The following SCRN3 variants were observed in gnomAD, a reference collection of about 807,000 sequenced individuals.
SCRN3 encodes secernin-3.
Under a neutral mutation model 43.1 loss-of-function variants are expected in SCRN3, and 39 were observed. The ratio of observed to expected loss-of-function variants is 0.91; its 90% CI spans 0.70 to 1.18. The LOEUF (loss-of-function observed/expected upper bound fraction) is 1.18, where lower values mean the gene tolerates loss of function less well. Among genes scored for constraint, SCRN3 ranks in the 50% most tolerant of loss-of-function variants. The probability of loss-of-function intolerance (pLI) is 0.00; values close to 1 mark genes in which losing one functional copy is unlikely to be tolerated. For synonymous variants in SCRN3, 147 were observed against 163.1 expected, an observed-to-expected ratio of 0.90 and a Z score of 0.75; for missense variants, 484 against 498.0, an observed-to-expected ratio of 0.97 and a Z score of 0.27.
intron 1 of SCRN3, chr2:174,397,206 AG>A: frequency 1.0e-6 from 1 of 972,358 alleles, no homozygotes; most frequent in Non-Finnish European, 1.2e-6. Context: ...TTTCTTTTTA[AG>A]GAAACATTTA....
chr2:174,414,866 C>A (rs1049924651), intron 5 of SCRN3, among the ~76,000 whole-genome samples: 8 of 150,734 alleles, frequency 5.3e-5, no homozygotes, highest in African/African-American at 2.0e-4. Context: ...TGGATTCCAG[C>A]GATTCTCCTG....
intron 5 of SCRN3, among the ~76,000 whole-genome samples, chr2:174,412,860 C>CTTTTTTTTTT (rs71024803): frequency 1.6e-5 from 1 of 61,910 alleles, no homozygotes; most frequent in South Asian, 6.9e-4. Context: ...CCATATAGTG[C>CTTTTTTTTTT]TTTTTTTTTT....
chr2:174,415,261 T>C lies in SCRN3; in HGVS notation c.755-7624T>C, dbSNP rs1001605143. ...CATGCTTATCAATAGAGGATTTTTT[T>C]TCAACCTTTATAAATTTTGTAGGCA... On this transcript the variant is annotated intron_variant, in intron 5 of 7. Transcript: ENST00000272732. Among the ~76,000 whole-genome samples the C allele has an allele frequency of 3.9e-5, 6 of 152,338 alleles. No individual in the cohort carries two copies. In the South Asian group the frequency reaches 6.2e-4, roughly 16 times the overall value.
Position 174,422,938 on chromosome 2 carries a change from A to G in SCRN3, c.808A>G (p.Ile270Val), listed in dbSNP as rs746098699. ...MEILRDKPSG[I>V]NMEGEFLTTA... ...AATTCTTCGAGATAAACCAAGTGGC[A>G]TTAATATGGAGGGAGAATTCCTGAC... Residue 270 changes from isoleucine to valine, a missense_variant, in exon 6 of 8, where the codon ATT becomes GTT. Coordinates refer to ENST00000272732, the MANE Select transcript of SCRN3 (RefSeq NM_024583.5). The G allele has an allele frequency of 6.2e-7, 1 of 1,611,998 alleles. No individual in the cohort carries two copies. The highest frequency in any genetic ancestry group is 2.2e-5 in the East Asian group (1 of 44,844).
At chr2:174,424,744 A>T in intron 7 of SCRN3, 95 bp downstream of exon 7, 2 of 914,594 alleles carry the variant, frequency 2.2e-6, no homozygotes, top group East Asian at 2.6e-5. Context: ...CTCCCTTCTT[A>T]TAAGAAATAG....
intron 4 of SCRN3, among the ~76,000 whole-genome samples, chr2:174,402,267 C>G (rs985780299): frequency 4.6e-5 from 7 of 152,154 alleles, no homozygotes; most frequent in Admixed American, 3.3e-4. Flanking sequence ...ACCTGGCCAT[C>G]TAAAATGAAC....
chr2:174,423,704 T>C (rs1319532780), intron 6 of SCRN3, among the ~76,000 whole-genome samples: 2 of 151,868 alleles, frequency 1.3e-5, no homozygotes, highest in East Asian at 3.9e-4. Flanking sequence ...CTCCTGACTT[T>C]GTGATCCGCC....
At position 174,401,253 on chromosome 2, in the gene SCRN3, G is replaced by C. The variant is rs1398887383; in HGVS notation, c.541+64G>C. The C allele has an allele frequency of 2.5e-6, 3 of 1,218,258 alleles. No individual in the cohort carries two copies. The African/African-American group carries it at 4.5e-5, about 18-fold the overall frequency. 75.5% of individuals were successfully genotyped at this position (1,218,258 alleles called of 1,614,324 possible). ...TTAATAAAATACACCCTTACCTATA[G>C]ATATTGCATTTAATTGCTTCCAAGA... On this transcript the variant is annotated intron_variant, in intron 4 of 7. Coordinates refer to ENST00000272732, the MANE Select transcript of SCRN3 (RefSeq NM_024583.5).
intron 5 of SCRN3, among the ~76,000 whole-genome samples, chr2:174,404,748 T>G (rs1685633339): frequency 8.1e-6 from 1 of 123,360 alleles, no homozygotes; most frequent in South Asian, 3.0e-4. Flanking sequence ...AGAATGATGA[T>G]TTCCAATTTC....
chr2:174,414,899 G>A (rs944337739), intron 5 of SCRN3, among the ~76,000 whole-genome samples: 1 of 151,852 alleles, frequency 6.6e-6, no homozygotes, highest in Non-Finnish European at 1.5e-5. Context: ...AAGTAGCTGG[G>A]ATTACAGGTG....
At chr2:174,404,055 T>C (rs769402560) in intron 4 of SCRN3, 48 bp from the exon 5 acceptor site, 53 of 1,425,020 alleles carry the variant, frequency 3.7e-5, no homozygotes, top group Non-Finnish European at 3.8e-5. Context: ...ATGCTTTATG[T>C]TAAATATGAC....
rs141031995 is a variant in SCRN3, at chr2:174,404,170, G to A, written c.609G>A (p.Met203Ile). 2 of 1,613,758 alleles carry A rather than the reference G, an allele frequency of 1.2e-6. No individual in the cohort carries two copies. The highest frequency in any genetic ancestry group is 1.3e-5 in the African/African-American group (1 of 74,912). ...AGATTGCCCGGGAACACCCAGACAT[G>A]AGAAACTATGCTAAGCGGAAAGGTT... Reference protein sequence around the residue: ...TTKIAREHPDMRNYAKRKGWW... With the variant: ...TTKIAREHPDIRNYAKRKGWW... Residue 203 changes from methionine (M) to isoleucine (I), a missense_variant, in exon 5 of 8, where the codon ATG becomes ATA. Physicochemically the swap from Met to Ile is conservative, Grantham distance 10 (BLOSUM62 1). Coordinates refer to ENST00000272732, the MANE Select transcript of SCRN3 (RefSeq NM_024583.5).
intron 5 of SCRN3, among the ~76,000 whole-genome samples, chr2:174,411,856 G>T (rs577757404): frequency 6.6e-6 from 1 of 152,290 alleles, no homozygotes; most frequent in Admixed American, 6.5e-5. Context: ...GGGAGGCAGA[G>T]GTTGCAATGA....
intron 4 of SCRN3, among the ~76,000 whole-genome samples, chr2:174,403,669 T>C (rs540573794): frequency 1.3e-5 from 2 of 152,280 alleles, no homozygotes; most frequent in South Asian, 2.1e-4. Flanking sequence ...GAGAACAGAA[T>C]AGCTGTTACC....
chr2:174,403,567 GATGAATC>G (rs1374954102), intron 4 of SCRN3, among the ~76,000 whole-genome samples: 15 of 152,114 alleles, frequency 9.9e-5, no homozygotes, highest in African/African-American at 3.6e-4. Context: ...CAATAACATA[GATGAATC>G]TTTAGCGAAT....
Position 174,400,042 on chromosome 2 carries a change from G to A in SCRN3, c.280G>A (p.Ala94Thr). Residue 94 changes from alanine to threonine, a missense_variant, in exon 3 of 8, where the codon GCT becomes ACT. By Grantham distance (58) the Ala-to-Thr change is moderately conservative. Coordinates refer to ENST00000272732, the MANE Select transcript of SCRN3 (RefSeq NM_024583.5). ...GCATGGAGTTTGCATTGGGAATGAA[G>A]CTGTATGGGGAAGAGAAGAAGTTTG... The part of the protein sequence containing the change: ...NEHGVCIGNE[A>T]VWGREEVCDE... 1 of 1,600,066 alleles carries A rather than the reference G, an allele frequency of 6.2e-7. No individual in the cohort carries two copies. Among genetic ancestry groups the A allele is most frequent in the South Asian group, 1.1e-5 (1 of 88,748 alleles).
intron 5 of SCRN3, among the ~76,000 whole-genome samples, chr2:174,412,627 C>A (rs1485366767): frequency 6.6e-6 from 1 of 152,140 alleles, no homozygotes; most frequent in Non-Finnish European, 1.5e-5. Flanking sequence ...AGAAGGGAGA[C>A]CACCAAGGCT....
At chr2:174,405,358 C>T (rs1291776485) in intron 5 of SCRN3, among the ~76,000 whole-genome samples, 2 of 113,962 alleles carry the variant, frequency 1.8e-5, no homozygotes, top group Non-Finnish European at 1.9e-5. Context: ...TGGATATTAG[C>T]CCTTTGTCAG....
chr2:174,424,494 A>T lies in SCRN3; in HGVS notation c.937A>T (p.Ile313Leu), dbSNP rs1365187510. The change falls in exon 7 of 8, where the codon ATA becomes TTA. Residue 313 changes from isoleucine (I) to leucine (L), a missense_variant. Physicochemically the swap from Ile to Leu is conservative, Grantham distance 5. Coordinates refer to ENST00000272732, the MANE Select transcript of SCRN3 (RefSeq NM_024583.5). ...DPERSVFKPF[I>L]FVPHISQLLD... is the part of the protein sequence containing the mutation. ...TTCTAGATCTGTTTTTAAGCCTTTC[A>T]TATTTGTGCCACATATTTCACAACT... The T allele has an allele frequency of 2.5e-6, 4 of 1,606,680 alleles. No homozygotes were observed. The highest frequency in any genetic ancestry group is 3.4e-6 in the Non-Finnish European group (4 of 1,175,954).
Sources: allele counts gnomAD v4.1 joint callset (sites outside exome capture counted in the v4.1 genomes callset), GRCh38; gene constraint gnomAD v4.1.1; transcripts MANE v1.5; gene names NCBI Gene and HGNC (gene_info 2026-07-23, HGNC 2026-07-21).